AGBL1: variants seen among roughly 807,000 people sequenced by gnomAD.
AGBL1 encodes the protein cytosolic carboxypeptidase 4.
In AGBL1, 130 loss-of-function variants were observed where a neutral mutation model predicts 118.9. That is an observed-to-expected ratio of 1.09 (90% CI 0.95 to 1.26). The LOEUF is 1.26. AGBL1 is among the 50% of genes most tolerant of loss of function. The probability of loss-of-function intolerance (pLI) is 0.00; values close to 1 mark genes in which losing one functional copy is unlikely to be tolerated. For missense variants in AGBL1, 1,584 were observed against 1,298.1 expected (o/e 1.22, Z -3.38); for synonymous variants, 555 against 478.9 (o/e 1.16, Z -2.08).
At chr15:86,169,593 T>G (rs2077387495) in intron 5 of AGBL1, among the ~76,000 whole-genome samples, 1 of 152,210 alleles carries the variant, frequency 6.6e-6, no homozygotes, top group Non-Finnish European at 1.5e-5. Flanking sequence ...CTTATGCACT[T>G]CCTCCTGTAT....
intron 22 of AGBL1, among the ~76,000 whole-genome samples, chr15:86,898,937 G>C (rs1468863244): frequency 6.6e-6 from 1 of 152,150 alleles, no homozygotes; most frequent in Non-Finnish European, 1.5e-5. Flanking sequence ...TATACTGTTG[G>C]TGGGAGTGTA....
rs932491872 is a variant in AGBL1 at position 86,911,846 on chromosome 15, T to A, written c.*4552T>A. The A allele has an allele frequency of 6.6e-6, 1 of 152,194 alleles. No individual in the cohort carries two copies. The highest frequency in any genetic ancestry group is 1.5e-5 in the Non-Finnish European group (1 of 68,040). 9.4% of individuals were successfully genotyped at this position (152,194 alleles called of 1,614,324 possible). ...ATATATAATCTCTCTTCCATGCCCC[T>A]GTTGCACTGTTTATATATCTCTTTT... On this transcript the variant is annotated 3_prime_UTR_variant, in exon 23 of 23. Coordinates refer to ENST00000614907, the MANE Select transcript of AGBL1 (RefSeq NM_001386094.1).
intron 7 of AGBL1, among the ~76,000 whole-genome samples, chr15:86,253,190 A>G (rs1050192745): frequency 1.9e-4 from 29 of 152,210 alleles, no homozygotes; most frequent in African/African-American, 6.3e-4. Context: ...GGGCAGTGCC[A>G]GGGCATTTAG....
chr15:86,272,609 C>T (rs765676347), intron 15 of AGBL1, among the ~76,000 whole-genome samples: 3 of 152,086 alleles, frequency 2.0e-5, no homozygotes, highest in Non-Finnish European at 4.4e-5. Flanking sequence ...TGCCTCTTGG[C>T]TTTTGAGACT....
chr15:86,934,495 G>A (rs551027486), intron 23 of AGBL1, among the ~76,000 whole-genome samples: 1 of 151,072 alleles, frequency 6.6e-6, no homozygotes, highest in Admixed American at 6.6e-5. Context: ...CTTCCTCCTT[G>A]CTATTATCTT....
At chr15:86,457,052 A>G (rs2082269796) in intron 18 of AGBL1, among the ~76,000 whole-genome samples, 2 of 152,182 alleles carry the variant, frequency 1.3e-5, no homozygotes, top group African/African-American at 2.4e-5. Flanking sequence ...AATCCCTTTC[A>G]TTATGCAGCC....
At chr15:86,785,614 C>T (rs750404668) in intron 22 of AGBL1, among the ~76,000 whole-genome samples, 4 of 152,020 alleles carry the variant, frequency 2.6e-5, no homozygotes, top group East Asian at 3.9e-4. Context: ...GCGATCCACC[C>T]GCCTTGGCCC....
intron 24 of AGBL1, among the ~76,000 whole-genome samples, chr15:87,023,925 C>A (rs1048087342): frequency 1.3e-5 from 2 of 151,912 alleles, no homozygotes; most frequent in African/African-American, 2.4e-5. Context: ...TTAAAAAATT[C>A]TTTGAACTGA....
Position 86,893,823 on chromosome 15 carries a change from G to A in AGBL1, c.3159-13264G>A, listed in dbSNP as rs562099526. 7.2e-5 allele frequency among the ~76,000 whole-genome samples: 11 copies of A among 152,224 alleles called. 1 individual carries two copies. In the South Asian group the frequency reaches 2.3e-3, roughly 32 times the overall value. ...TATGCTATGGCATTTGTTTCTAAGTGCATCATTTCAAGAAGAAGAGGTTTT... is the reference window on the plus strand; with the variant it reads ...TATGCTATGGCATTTGTTTCTAAGTACATCATTTCAAGAAGAAGAGGTTTT... On this transcript the variant is annotated intron_variant, in intron 22 of 22. Transcript: ENST00000614907.
rs148691992 is a variant in AGBL1 at position 86,826,248 on chromosome 15, T to C, written c.3159-80839T>C. 1.3e-3 allele frequency among the ~76,000 whole-genome samples: 204 copies of C among 152,210 alleles called. 1 individual carries two copies. The highest frequency in any genetic ancestry group is 4.7e-3 in the African/African-American group (194 of 41,540). On this transcript the variant is annotated intron_variant, in intron 22 of 22. Coordinates refer to ENST00000614907, the MANE Select transcript of AGBL1 (RefSeq NM_001386094.1). ...TTGCCTATGTAGGAAATGGCAAATA[T>C]CATTGATGTTCTGGAGAACTAACTG...
chr15:86,773,436 T>G (rs1304434997), intron 22 of AGBL1, among the ~76,000 whole-genome samples: 1 of 151,766 alleles, frequency 6.6e-6, no homozygotes, highest in African/African-American at 2.4e-5. Flanking sequence ...TGTGCCATGT[T>G]GGTGTGCTGC....
intron 17 of AGBL1, among the ~76,000 whole-genome samples, chr15:86,342,895 G>C (rs750688536): frequency 8.5e-5 from 13 of 152,168 alleles, no homozygotes; most frequent in Non-Finnish European, 1.3e-4. Context: ...AACATTTTTA[G>C]ATTTTCCTAT....
chr15:86,127,002 C>T (rs1168154759), intron 1 of AGBL1, among the ~76,000 whole-genome samples: 5 of 152,268 alleles, frequency 3.3e-5, no homozygotes, highest in East Asian at 3.9e-4. Flanking sequence ...TTAAATACTT[C>T]TGAGATGTGC....
chr15:86,218,783 G>C (rs1034992346), intron 5 of AGBL1, among the ~76,000 whole-genome samples: 1 of 152,168 alleles, frequency 6.6e-6, no homozygotes, highest in African/African-American at 2.4e-5. Flanking sequence ...AGCCGGCAGT[G>C]TCCTTGGCCT....
intron 22 of AGBL1, among the ~76,000 whole-genome samples, chr15:86,891,515 T>C (rs996422420): frequency 3.3e-5 from 5 of 151,840 alleles, no homozygotes; most frequent in Admixed American, 2.6e-4. Flanking sequence ...ACTGTCTCAT[T>C]TTAGCAATGA....
intron 22 of AGBL1, among the ~76,000 whole-genome samples, chr15:86,737,146 G>A (rs888411443): frequency 6.6e-6 from 1 of 152,162 alleles, no homozygotes; most frequent in Non-Finnish European, 1.5e-5. Context: ...ATTGAAGCAA[G>A]GTGCTGAATG....
At chr15:86,208,402 C>A (rs2078031481) in intron 5 of AGBL1, among the ~76,000 whole-genome samples, 1 of 152,042 alleles carries the variant, frequency 6.6e-6, no homozygotes, top group Non-Finnish European at 1.5e-5. Flanking sequence ...ATGATACCAG[C>A]TCCTCTTTGT....
chr15:86,974,649 A>G (rs968459974), intron 23 of AGBL1, among the ~76,000 whole-genome samples: 1 of 147,704 alleles, frequency 6.8e-6, no homozygotes, highest in African/African-American at 2.5e-5. Flanking sequence ...TCTGCAAAAA[A>G]AGATGAGAAG....
rs7165676 is a variant in AGBL1, at chr15:86,724,018, G to A, written c.3158+49582G>A. ...TGGGAGGCCGAGGTGGGCGGATCAC[G>A]AGGTCAGGAGATCGAGACCATCCTG... On this transcript the variant is annotated intron_variant, in intron 22 of 22. Transcript: ENST00000614907. Among the ~76,000 whole-genome samples the A allele has an allele frequency of 4.0e-3, 608 of 152,128 alleles. 3 individuals carry two copies. Among genetic ancestry groups the A allele is most frequent in the African/African-American group, 0.014 (571 of 41,506 alleles).
Sources: gnomAD v4.1 joint callset for allele counts (sites outside exome capture counted in the v4.1 genomes callset) on GRCh38, gnomAD v4.1.1 for gene constraint, MANE v1.5 for transcripts, NCBI Gene and HGNC (gene_info 2026-07-23, HGNC 2026-07-21) for gene names.